The following IQCB1 variants were observed in gnomAD, a reference collection of about 807,000 sequenced individuals.
IQCB1 encodes IQ calmodulin-binding motif-containing protein 1.
A neutral mutation model predicts 84.4 loss-of-function variants in IQCB1; 56 were observed. The observed-to-expected ratio is 0.66, with a 90% CI of 0.54 to 0.83. IQCB1 has a LOEUF of 0.83. Among genes scored for constraint, IQCB1 ranks in the 40% least tolerant of loss-of-function variants. The pLI, the probability that IQCB1 is intolerant of heterozygous loss-of-function variation, is 0.00. For synonymous variants in IQCB1, 210 were observed against 234.8 expected (o/e 0.89, Z 0.96); for missense variants, 629 against 682.1 (o/e 0.92, Z 0.87).
At chr3:121,781,711 T>C (rs1441846946) in intron 13 of IQCB1, 32 bp downstream of exon 13, 9 of 1,589,516 alleles carry the variant, frequency 5.7e-6, no homozygotes, top group Admixed American at 5.0e-5. Context: ...ATTGGAATAA[T>C]GTAATACTGA....
At chr3:121,826,028 CAA>C (rs1333113203) in intron 5 of IQCB1, 21 bp downstream of exon 5, 2 of 1,598,978 alleles carry the variant, frequency 1.3e-6, no homozygotes, top group Admixed American at 1.7e-5. Context: ...GATTTAGCTA[CAA>C]AAGACTAAAT....
At chr3:121,818,453 C>T (rs954402173) in intron 5 of IQCB1, among the ~76,000 whole-genome samples, 1 of 152,154 alleles carries the variant, frequency 6.6e-6, no homozygotes, top group Non-Finnish European at 1.5e-5. Context: ...AAGAAACTGT[C>T]TTCAAACAGG....
At position 121,799,391 on chromosome 3, in the gene IQCB1, A is replaced by C. The variant is rs1949323143; in HGVS notation, c.588-17T>G. 6.9e-7 allele frequency: 1 copy of C among 1,442,284 alleles called. No homozygotes were observed. Among genetic ancestry groups the C allele is most frequent in the African/African-American group, 1.4e-5 (1 of 70,468 alleles). 89.3% of individuals were successfully genotyped at this position (1,442,284 alleles called of 1,614,324 possible). A position where few individuals can be genotyped will look rare whatever the true frequency, so the allele number is the denominator to read the frequency against. On this transcript the variant is annotated splice_polypyrimidine_tract_variant and intron_variant, in intron 7 of 14. Transcript: ENST00000310864. ...AAATCACCACTAATAGAACAAAATA[A>C]AAAAAAAAGTACCATTACTAATTGA...
chr3:121,821,407 C>A (rs913241186), intron 5 of IQCB1, among the ~76,000 whole-genome samples: 4 of 152,192 alleles, frequency 2.6e-5, no homozygotes, highest in African/African-American at 9.7e-5. Context: ...CAAATCTCAT[C>A]CATGCTTTAG....
intron 5 of IQCB1, among the ~76,000 whole-genome samples, chr3:121,819,013 T>C (rs1247030404): frequency 2.0e-5 from 3 of 152,156 alleles, no homozygotes; most frequent in Non-Finnish European, 4.4e-5. Context: ...CTAACCTTTT[T>C]TGCACCAGGG....
chr3:121,827,595 T>C (rs1320587533), intron 4 of IQCB1, among the ~76,000 whole-genome samples: 1 of 152,014 alleles, frequency 6.6e-6, no homozygotes, highest in Non-Finnish European at 1.5e-5. Flanking sequence ...CTTAAGAAAA[T>C]CAATCTTGAA....
rs1013699240 is a variant in IQCB1, at chr3:121,782,020, G to A, written c.1279-146C>T. 3.3e-5 allele frequency: 26 copies of A among 779,984 alleles called. 1 individual carries two copies. The Admixed American group carries it at 5.3e-4, about 16-fold the overall frequency. 48.3% of individuals were successfully genotyped at this position (779,984 alleles called of 1,614,324 possible). A position where few individuals can be genotyped will look rare whatever the true frequency, so the allele number is the denominator to read the frequency against. ...GAGGGGAATGGGACTGTGACAAAAT[G>A]CAGGAGAACAGTGACTTTTAAAATA... On this transcript the variant is annotated intron_variant, in intron 12 of 14. Coordinates refer to ENST00000310864, the MANE Select transcript of IQCB1 (RefSeq NM_001023570.4).
intron 14 of IQCB1, among the ~76,000 whole-genome samples, chr3:121,771,563 G>A (rs778553203): frequency 2.7e-4 from 41 of 151,974 alleles, no homozygotes; most frequent in Admixed American, 1.2e-3. Context: ...TCCTGACCTC[G>A]TGATCCGCCC....
chr3:121,793,419 C>CTCT (rs1428920667), intron 10 of IQCB1, among the ~76,000 whole-genome samples: 1 of 152,058 alleles, frequency 6.6e-6, no homozygotes, highest in Admixed American at 6.6e-5. Context: ...TGGGCAGTCT[C>CTCT]TCTCCCAAAA....
At chr3:121,805,656 T>C (rs1209830934) in intron 7 of IQCB1, among the ~76,000 whole-genome samples, 2 of 152,182 alleles carry the variant, frequency 1.3e-5, no homozygotes, top group African/African-American at 4.8e-5. Context: ...AATGACGCAC[T>C]GTTTATGAGG....
Position 121,827,107 on chromosome 3 carries a change from C to T in IQCB1, c.264-927G>A, listed in dbSNP as rs148697740. On this transcript the variant is annotated intron_variant, in intron 4 of 14. Coordinates refer to ENST00000310864, the MANE Select transcript of IQCB1 (RefSeq NM_001023570.4). Reference sequence around the variant, plus strand: ...AAAAAGAACAAGATCATGTCCTTTGCAGCAACATGGATGGAGCTGAAGGCC... The same window carrying T: ...AAAAAGAACAAGATCATGTCCTTTGTAGCAACATGGATGGAGCTGAAGGCC... Among the ~76,000 whole-genome samples the T allele has an allele frequency of 9.0e-3, 1,369 of 152,100 alleles. 7 individuals carry two copies. The highest frequency in any genetic ancestry group is 0.015 in the Non-Finnish European group (1,023 of 67,914).
Position 121,788,427 on chromosome 3 carries a change from C to G in IQCB1, c.1135G>C (p.Val379Leu). Residue 379 changes from valine to leucine, a missense_variant, in exon 12 of 15, where the codon GTG becomes CTG. By Grantham distance (32) the Val-to-Leu change is conservative. Transcript: ENST00000310864. Reference protein sequence around the residue: ...SMLEIVHPGQVEKHYREMEEK... With the variant: ...SMLEIVHPGQLEKHYREMEEK... ...TCCATTTCCCGATAGTGTTTCTCCA[C>G]CTGACCTAAAAAGATGATAGACACT... is the stretch of plus-strand genomic sequence containing the variant. The G allele has an allele frequency of 6.2e-7, 1 of 1,613,366 alleles. No homozygotes were observed. The highest frequency in any genetic ancestry group is 8.5e-7 in the Non-Finnish European group (1 of 1,179,446).
At chr3:121,812,464 CA>C (rs1559788577) in intron 5 of IQCB1, among the ~76,000 whole-genome samples, 1 of 152,176 alleles carries the variant, frequency 6.6e-6, no homozygotes, top group Non-Finnish European at 1.5e-5. Flanking sequence ...TGGGTAATAA[CA>C]AACTCCTCTG....
intron 8 of IQCB1, 134 bp from the exon 9 acceptor site, chr3:121,797,361 TC>T (rs1191525610): frequency 2.0e-6 from 1 of 503,326 alleles, no homozygotes; most frequent in Non-Finnish European, 3.5e-6. Flanking sequence ...ATATGATTTT[TC>T]TTTTTCCTTT....
intron 12 of IQCB1, among the ~76,000 whole-genome samples, chr3:121,785,839 T>C (rs1033243986): frequency 1.3e-5 from 2 of 152,024 alleles, no homozygotes; most frequent in Non-Finnish European, 2.9e-5. Context: ...ACGATTATTT[T>C]ATTGAACAGT....
intron 13 of IQCB1, among the ~76,000 whole-genome samples, chr3:121,774,251 T>A (rs1417144408): frequency 6.6e-6 from 1 of 152,166 alleles, no homozygotes; most frequent in Admixed American, 6.5e-5. Flanking sequence ...TATTAGCTGC[T>A]ATCAAAAACA....
intron 13 of IQCB1, among the ~76,000 whole-genome samples, chr3:121,777,658 TAA>T (rs1332084245): frequency 4.6e-5 from 7 of 152,190 alleles, no homozygotes; most frequent in African/African-American, 1.7e-4. Context: ...ACAGAAATGT[TAA>T]GTCTTTTACA....
At chr3:121,801,126 C>A (rs1949391220) in intron 7 of IQCB1, among the ~76,000 whole-genome samples, 1 of 151,960 alleles carries the variant, frequency 6.6e-6, no homozygotes, top group Non-Finnish European at 1.5e-5. Flanking sequence ...TTCCCCAAGA[C>A]TCCATTTTCA....
chr3:121,821,075 T>G (rs1347433579), intron 5 of IQCB1, among the ~76,000 whole-genome samples: 1 of 152,000 alleles, frequency 6.6e-6, no homozygotes, highest in Non-Finnish European at 1.5e-5. Flanking sequence ...ACTGCAGCCG[T>G]GAGCTCCTGG....
Sources: allele counts gnomAD v4.1 joint callset (sites outside exome capture counted in the v4.1 genomes callset), GRCh38; gene constraint gnomAD v4.1.1; transcripts MANE v1.5; gene names NCBI Gene and HGNC (gene_info 2026-07-23, HGNC 2026-07-21).